Variants in USP7 observed in about 807,000 individuals in gnomAD.
The protein encoded by USP7 is ubiquitin specific peptidase 7.
Under a neutral mutation model 162.9 loss-of-function variants are expected in USP7, and 9 were observed. The ratio of observed to expected loss-of-function variants is 0.06; its 90% CI spans 0.03 to 0.10. The LOEUF (loss-of-function observed/expected upper bound fraction) is 0.10, where lower values mean the gene tolerates loss of function less well. Ranked by LOEUF, USP7 falls within the 10% of genes least tolerant of loss-of-function variation. The probability of loss-of-function intolerance (pLI) is 1.00; values close to 1 mark genes in which losing one functional copy is unlikely to be tolerated. For synonymous variants in USP7, 562 were observed against 475.9 expected (o/e 1.18, Z -2.35); for missense variants, 715 against 1,373.7 (o/e 0.52, Z 7.58).
intron 10 of USP7, among the ~76,000 whole-genome samples, chr16:8,912,635 G>A (rs1022465669): frequency 4.6e-5 from 7 of 151,144 alleles, no homozygotes; most frequent in African/African-American, 1.7e-4. Flanking sequence ...GAAAGCAAAA[G>A]CATACTAAGA....
chr16:8,895,812 TAGAA>T (rs1030563410), intron 26 of USP7, 71 bp from the exon 27 acceptor site: 12 of 1,088,280 alleles, frequency 1.1e-5, no homozygotes, highest in South Asian at 1.5e-5. Flanking sequence ...AATGGTTTTC[TAGAA>T]AGAAATAAAG....
intron 1 of USP7, among the ~76,000 whole-genome samples, chr16:8,943,482 C>T (rs940399548): frequency 6.6e-6 from 1 of 152,076 alleles, no homozygotes; most frequent in Non-Finnish European, 1.5e-5. Context: ...GGATGGAGAT[C>T]TGTGACACAC....
At chr16:8,955,925 G>C (rs923285347) in intron 1 of USP7, among the ~76,000 whole-genome samples, 5 of 152,088 alleles carry the variant, frequency 3.3e-5, no homozygotes, top group Non-Finnish European at 7.4e-5. Context: ...TTTTTCTGAA[G>C]TACTGTGAAT....
At chr16:8,957,816 T>C (rs1483848613) in intron 1 of USP7, among the ~76,000 whole-genome samples, 1 of 151,858 alleles carries the variant, frequency 6.6e-6, no homozygotes, top group Non-Finnish European at 1.5e-5. Context: ...AAAAATAGAC[T>C]TTACAAAATA....
At position 8,894,537 on chromosome 16, in the gene USP7, G is replaced by GGT; in HGVS notation, c.3202+12_3202+13insAC. 1 of 1,610,434 alleles carries GGT rather than the reference G, an allele frequency of 6.2e-7. No individual in the cohort carries two copies. Among genetic ancestry groups the GGT allele is most frequent in the Non-Finnish European group, 8.5e-7 (1 of 1,179,738 alleles). On this transcript the variant is annotated intron_variant, in intron 30 of 30. Coordinates refer to ENST00000344836, the MANE Select transcript of USP7 (RefSeq NM_003470.3). ...AAACCCACACCAGCCCCCGGGGGGGGGAGAACCCTTACCGGGCTGTGGCTC... is the reference window on the plus strand; with the variant it reads ...AAACCCACACCAGCCCCCGGGGGGGGGTGAGAACCCTTACCGGGCTGTGGCTC...
intron 10 of USP7, among the ~76,000 whole-genome samples, chr16:8,913,406 C>G (rs184620892): frequency 6.6e-6 from 1 of 151,582 alleles, no homozygotes; most frequent in Non-Finnish European, 1.5e-5. Context: ...TGAAGTGAAG[C>G]GAAGCGAAGA....
At chr16:8,920,516 C>T (rs928398417) in intron 4 of USP7, 69 bp from the exon 5 acceptor site, 1 of 1,307,770 alleles carries the variant, frequency 7.6e-7, no homozygotes, top group Non-Finnish European at 1.1e-6. Flanking sequence ...AGACAAATTA[C>T]ATTAGTGCCC....
intron 10 of USP7, among the ~76,000 whole-genome samples, chr16:8,911,481 T>C (rs1239309910): frequency 1.3e-5 from 2 of 152,122 alleles, no homozygotes; most frequent in East Asian, 3.9e-4. Flanking sequence ...CCAGAGTGTA[T>C]GGAGAGCTCG....
chr16:8,943,015 G>A (rs866657203), intron 1 of USP7, among the ~76,000 whole-genome samples: 2 of 152,184 alleles, frequency 1.3e-5, no homozygotes, highest in African/African-American at 4.8e-5. Context: ...CTGGCTTTAA[G>A]GCAGTGGAGC....
At chr16:8,952,888 G>C (rs759010809) in intron 1 of USP7, among the ~76,000 whole-genome samples, 2 of 151,638 alleles carry the variant, frequency 1.3e-5, no homozygotes, top group Admixed American at 1.3e-4. Context: ...CCAGGCTAGA[G>C]TGCACTGGCG....
intron 21 of USP7, chr16:8,900,054 G>A (rs1479241662): frequency 1.3e-5 from 6 of 463,974 alleles, no homozygotes; most frequent in Middle Eastern, 5.9e-4. Context: ...AGACCCAGAC[G>A]CAGTGTCTTG....
intron 28 of USP7, 23 bp downstream of exon 28, chr16:8,895,008 C>G: frequency 6.2e-7 from 1 of 1,614,206 alleles, no homozygotes; most frequent in Non-Finnish European, 8.5e-7. Context: ...ACGTGAGCCA[C>G]TCGGCCAACC....
At chr16:8,920,232 C>T in intron 5 of USP7, 127 bp downstream of exon 5, 1 of 787,392 alleles carries the variant, frequency 1.3e-6, no homozygotes, top group South Asian at 1.8e-5. Context: ...CTCTGTGTGC[C>T]ACAGGGCAAG....
chr16:8,924,541 A>T (rs1897886600), intron 2 of USP7, among the ~76,000 whole-genome samples: 2 of 152,262 alleles, frequency 1.3e-5, no homozygotes, highest in African/African-American at 2.4e-5. Context: ...CCTAAGGCAC[A>T]AAATGAGACT....
chr16:8,932,127 T>G (rs1596394048), intron 1 of USP7, among the ~76,000 whole-genome samples: 2 of 152,222 alleles, frequency 1.3e-5, no homozygotes, highest in Non-Finnish European at 2.9e-5. Flanking sequence ...CAATAATTCC[T>G]GAATAAAATG....
Position 8,913,057 on chromosome 16 carries a change from C to T in USP7, c.1078+2197G>A, listed in dbSNP as rs569888025. Among the ~76,000 whole-genome samples the T allele has an allele frequency of 5.3e-5, 8 of 152,112 alleles. No individual in the cohort carries two copies. In the South Asian group the frequency reaches 1.7e-3, roughly 32 times the overall value. ...TGAAAACCAGTGAGAAGGAAAAAAC[C>T]TTAAAAGCACATGGGGGGCTGGGCA... On this transcript the variant is annotated intron_variant, in intron 10 of 30. Coordinates refer to ENST00000344836, the MANE Select transcript of USP7 (RefSeq NM_003470.3).
At chr16:8,922,597 G>A (rs1436576669) in intron 3 of USP7, among the ~76,000 whole-genome samples, 3 of 152,234 alleles carry the variant, frequency 2.0e-5, no homozygotes, top group African/African-American at 7.2e-5. Flanking sequence ...GACTAGGACA[G>A]GTGCAGTCCA....
Position 8,901,468 on chromosome 16 carries a change from C to T in USP7, c.2048-234G>A, listed in dbSNP as rs553846278. 4.6e-5 allele frequency among the ~76,000 whole-genome samples: 7 copies of T among 152,310 alleles called. No individual in the cohort carries two copies. The South Asian group carries it at 1.4e-3, about 32-fold the overall frequency. ...ACATCAGACCCATGGAAACCCACTA[C>T]ATTTAGACAGTCAAGACGGTACTGA... On this transcript the variant is annotated intron_variant, in intron 18 of 30. Transcript: ENST00000344836.
chr16:8,901,508 G>T (rs1197863185), intron 18 of USP7, among the ~76,000 whole-genome samples: 1 of 152,190 alleles, frequency 6.6e-6, no homozygotes, highest in African/African-American at 2.4e-5. Flanking sequence ...AGCAAACTTA[G>T]AATTCCTAGT....
Sources: gnomAD v4.1 joint callset for allele counts (sites outside exome capture counted in the v4.1 genomes callset) on GRCh38, gnomAD v4.1.1 for gene constraint, MANE v1.5 for transcripts, NCBI Gene and HGNC (gene_info 2026-07-23, HGNC 2026-07-21) for gene names.